The following MYOF variants were observed in gnomAD, a reference collection of about 807,000 sequenced individuals.
MYOF encodes myoferlin, also known as fer-1-like 3, myoferlin.
MYOF carries 244 observed loss-of-function variants against 284.2 expected under a neutral mutation model. The observed-to-expected ratio is 0.86, with a 90% CI of 0.77 to 0.95. The LOEUF is 0.95. Ranked by LOEUF, MYOF falls within the 40% of genes least tolerant of loss-of-function variation. The probability of loss-of-function intolerance (pLI) is 0.00; values close to 1 mark genes in which losing one functional copy is unlikely to be tolerated. For missense variants in MYOF, 2,496 were observed against 2,560.6 expected (o/e 0.97, Z 0.54); for synonymous variants, 904 against 919.7 (o/e 0.98, Z 0.31).
intron 19 of MYOF, among the ~76,000 whole-genome samples, chr10:93,383,539 C>T (rs1303317692): frequency 6.6e-6 from 1 of 152,142 alleles, no homozygotes; most frequent in Non-Finnish European, 1.5e-5. Context: ...TTGTCAAGAG[C>T]TCTGCTTAAC....
At chr10:93,307,872 G>A (rs190368757) in intron 53 of MYOF, among the ~76,000 whole-genome samples, 4,048 of 150,020 alleles carry the variant, frequency 0.027, 101 homozygotes, top group South Asian at 0.098. Context: ...TGATCCGCCC[G>A]CCTCAGCCTC....
At chr10:93,371,666 G>A (rs1199478151) in intron 24 of MYOF, among the ~76,000 whole-genome samples, 2 of 151,924 alleles carry the variant, frequency 1.3e-5, no homozygotes, top group Non-Finnish European at 2.9e-5. Flanking sequence ...TATCAGCTTC[G>A]ATCTCTATTA....
At chr10:93,415,428 C>T (rs753224033) in intron 5 of MYOF, among the ~76,000 whole-genome samples, 6 of 152,202 alleles carry the variant, frequency 3.9e-5, no homozygotes, top group Non-Finnish European at 7.3e-5. Flanking sequence ...GATATCTATC[C>T]CAAAACTTTC....
chr10:93,401,611 G>A, intron 11 of MYOF, 67 bp from the exon 12 acceptor site: 2 of 1,569,352 alleles, frequency 1.3e-6, no homozygotes, highest in Non-Finnish European at 1.7e-6. Context: ...CCAAATTAAT[G>A]CTTATAAAAT....
At chr10:93,390,527 A>G (rs142072931) in intron 17 of MYOF, among the ~76,000 whole-genome samples, 313 of 152,376 alleles carry the variant, frequency 2.1e-3, no homozygotes, top group African/African-American at 6.6e-3. Flanking sequence ...CAGTTTCTCC[A>G]ACAGAGATTT....
intron 8 of MYOF, 35 bp downstream of exon 8, chr10:93,404,122 G>A (rs1387769744): frequency 1.1e-5 from 17 of 1,613,738 alleles, no homozygotes; most frequent in African/African-American, 1.3e-5. Context: ...GCCTGGCAGT[G>A]AGTGAGCAGT....
intron 48 of MYOF, 48 bp downstream of exon 48, chr10:93,323,030 G>C (rs754891757): frequency 3.3e-6 from 5 of 1,528,140 alleles, no homozygotes; most frequent in South Asian, 1.1e-5. Flanking sequence ...ACGAAGGAGA[G>C]AGTCTGTTTC....
chr10:93,401,420 T>C lies in MYOF; in HGVS notation c.1115A>G (p.Gln372Arg). ...LKIYRAEDIP[Q>R]MDDAFSQTVK... ...GGCAAGATTAAATCAGTACATACTC[T>C]GGGGGATGTCCTCAGCTCGGTAGAT... The change falls in exon 12 of 54, where the codon CAG (glutamine) becomes CGG (arginine). Residue 372 changes from glutamine to arginine, a missense_variant and splice_region_variant. By Grantham distance (43) the Gln-to-Arg change is conservative. This residue lies in a region of MYOF where 2,436 missense variants were observed against 2,480.7 expected (regional missense o/e 0.98). Transcript: ENST00000359263. The C allele has an allele frequency of 2.5e-6, 4 of 1,614,098 alleles. No individual in the cohort carries two copies. The highest frequency in any genetic ancestry group is 3.4e-6 in the Non-Finnish European group (4 of 1,179,998).
rs1316048932 is a variant in MYOF at position 93,340,073 on chromosome 10, CCTT to C, written c.4338+77_4338+79del. 5 of 1,482,952 alleles carry C rather than the reference CCTT, an allele frequency of 3.4e-6. No individual in the cohort carries two copies. The South Asian group carries it at 5.8e-5, about 17-fold the overall frequency. 91.9% of individuals were successfully genotyped at this position (1,482,952 alleles called of 1,614,324 possible). ...CCAGCCTGGGTGAAAGAGCGAGACTCCTTCTCAAAAAAAGAAAAGAAAAATTCT... is the reference window on the plus strand; with the variant it reads ...CCAGCCTGGGTGAAAGAGCGAGACTCCTCAAAAAAAGAAAAGAAAAATTCT... On this transcript the variant is annotated intron_variant, in intron 39 of 53. Transcript: ENST00000359263.
chr10:93,339,549 A>G (rs1409157396), intron 39 of MYOF, among the ~76,000 whole-genome samples: 1 of 149,736 alleles, frequency 6.7e-6, no homozygotes, highest in South Asian at 2.2e-4. Flanking sequence ...ACTGCATTGC[A>G]ACCTCCACCT....
At chr10:93,317,300 T>A (rs1360796940) in intron 49 of MYOF, among the ~76,000 whole-genome samples, 2 of 148,510 alleles carry the variant, frequency 1.3e-5, no homozygotes, top group Non-Finnish European at 1.5e-5. Flanking sequence ...CTTCTGCTCT[T>A]TTATCAGTGC....
At chr10:93,464,277 C>T (rs969881512) in intron 1 of MYOF, among the ~76,000 whole-genome samples, 10 of 152,152 alleles carry the variant, frequency 6.6e-5, no homozygotes, top group African/African-American at 1.2e-4. Flanking sequence ...CTTGCTGGCC[C>T]GCCCTGCAAA....
At chr10:93,400,672 C>T (rs74603011) in intron 12 of MYOF, among the ~76,000 whole-genome samples, 6,556 of 152,126 alleles carry the variant, frequency 0.043, 196 homozygotes, top group Middle Eastern at 0.078. Flanking sequence ...CAGACAGGCC[C>T]AGCAAGGCAA....
chr10:93,402,382 G>C, intron 10 of MYOF, 35 bp from the exon 11 acceptor site: 1 of 1,512,678 alleles, frequency 6.6e-7, no homozygotes. Flanking sequence ...AAATGGACAT[G>C]CTAAAAAGGT....
rs1199777191 is a variant in MYOF, at chr10:93,374,777, G to C, written c.2287C>G (p.Gln763Glu). The change falls in exon 23 of 54, where the codon CAG (glutamine) becomes GAG (glutamate). Residue 763 changes from glutamine (Q) to glutamate (E), a missense_variant. Gln to Glu is a conservative substitution (Grantham distance 29). Coordinates refer to ENST00000359263, the MANE Select transcript of MYOF (RefSeq NM_013451.4). ...AAAAGTCCTACCTCTTCAGTCAGCT[G>C]CATTAATTTATCAAGCCAGTCCTCA... is the stretch of plus-strand genomic sequence containing the variant. ...EIEDWLDKLM[Q>E]LTEEPQNSMP... 1 of 1,613,812 alleles carries C rather than the reference G, an allele frequency of 6.2e-7. No homozygotes were observed. The highest frequency in any genetic ancestry group is 8.5e-7 in the Non-Finnish European group (1 of 1,179,906).
chr10:93,388,519 A>T (rs1354228852), intron 18 of MYOF, among the ~76,000 whole-genome samples: 6 of 152,204 alleles, frequency 3.9e-5, no homozygotes, highest in Non-Finnish European at 8.8e-5. Context: ...CCACCTCCAC[A>T]GCCAGTCTTT....
intron 15 of MYOF, among the ~76,000 whole-genome samples, chr10:93,396,427 ATTT>A (rs1169893125): frequency 6.6e-6 from 1 of 152,082 alleles, no homozygotes; most frequent in Non-Finnish European, 1.5e-5. Context: ...TCCTGCCCAC[ATTT>A]TTAATTCAAT....
At chr10:93,368,812 C>G (rs1354655583) in intron 25 of MYOF, among the ~76,000 whole-genome samples, 1 of 152,146 alleles carries the variant, frequency 6.6e-6, no homozygotes, top group Non-Finnish European at 1.5e-5. Context: ...TCTAGACTAG[C>G]TAAAATGATG....
chr10:93,338,374 G>C (rs1033338787), intron 39 of MYOF: 1 of 456,706 alleles, frequency 2.2e-6, no homozygotes, highest in Non-Finnish European at 4.4e-6. Flanking sequence ...TTTAATTCAA[G>C]TTCCTTCCTT....
Sources: allele counts gnomAD v4.1 joint callset (sites outside exome capture counted in the v4.1 genomes callset), GRCh38; gene constraint gnomAD v4.1.1; regional missense constraint gnomAD v4.1.1; transcripts MANE v1.5; gene names NCBI Gene and HGNC (gene_info 2026-07-23, HGNC 2026-07-21).